DNER: variants seen among roughly 807,000 people sequenced by gnomAD.
DNER encodes the protein delta/notch like EGF repeat containing.
Under a neutral mutation model 78.2 loss-of-function variants are expected in DNER, and 33 were observed. That is an observed-to-expected ratio of 0.42 (90% CI 0.32 to 0.56). The LOEUF is 0.56. DNER is among the 20% of genes least tolerant of loss of function. DNER has a pLI of 0.11. For missense variants in DNER, 918 were observed against 975.3 expected (o/e 0.94, Z 0.78); for synonymous variants, 417 against 384.8 (o/e 1.08, Z -0.98).
At chr2:229,627,078 T>C (rs1698357851) in intron 1 of DNER, among the ~76,000 whole-genome samples, 1 of 152,242 alleles carries the variant, frequency 6.6e-6, no homozygotes, top group Non-Finnish European at 1.5e-5. Context: ...TTTATCAGAA[T>C]GTCTCTTTGT....
intron 4 of DNER, among the ~76,000 whole-genome samples, chr2:229,550,623 A>C (rs1696715657): frequency 1.3e-5 from 2 of 152,004 alleles, no homozygotes; most frequent in Non-Finnish European, 2.9e-5. Context: ...GAAATACAAA[A>C]AAATTAGCCA....
intron 1 of DNER, among the ~76,000 whole-genome samples, chr2:229,613,434 A>T (rs1297952297): frequency 6.6e-6 from 1 of 152,214 alleles, no homozygotes; most frequent in Non-Finnish European, 1.5e-5. Flanking sequence ...TTCATGACAA[A>T]TTTTCATATA....
At chr2:229,700,100 A>G (rs1199443824) in intron 1 of DNER, among the ~76,000 whole-genome samples, 1 of 152,080 alleles carries the variant, frequency 6.6e-6, no homozygotes, top group African/African-American at 2.4e-5. Flanking sequence ...CTCATTCATA[A>G]TTTTTTAAAT....
chr2:229,640,291 C>T (rs1410832691), intron 1 of DNER, among the ~76,000 whole-genome samples: 1 of 152,218 alleles, frequency 6.6e-6, no homozygotes, highest in Non-Finnish European at 1.5e-5. Context: ...TTCAGGATTA[C>T]ATTACAATGC....
At chr2:229,469,100 A>C (rs2154211091) in intron 7 of DNER, among the ~76,000 whole-genome samples, 1 of 152,298 alleles carries the variant, frequency 6.6e-6, no homozygotes, top group Middle Eastern at 3.4e-3. Flanking sequence ...CAGTTTTGAG[A>C]TATTTACTCG....
At chr2:229,391,288 T>A (rs1185876305) in intron 10 of DNER, among the ~76,000 whole-genome samples, 1 of 152,030 alleles carries the variant, frequency 6.6e-6, no homozygotes, top group Non-Finnish European at 1.5e-5. Flanking sequence ...TATTTTATTA[T>A]AAGAGTTCTT....
chr2:229,411,468 G>C (rs1190932170), intron 9 of DNER, among the ~76,000 whole-genome samples: 1 of 152,034 alleles, frequency 6.6e-6, no homozygotes, highest in African/African-American at 2.4e-5. Context: ...GAGACAGGAG[G>C]ATTGCTTGAA....
chr2:229,471,349 T>C (rs1019616021), intron 7 of DNER, among the ~76,000 whole-genome samples: 4 of 24,928 alleles, frequency 1.6e-4, no homozygotes, highest in Admixed American at 1.3e-3. Flanking sequence ...CCCAAGGCTA[T>C]AAAATGAAAA....
chr2:229,673,554 C>A (rs1318987973), intron 1 of DNER, among the ~76,000 whole-genome samples: 1 of 152,204 alleles, frequency 6.6e-6, no homozygotes, highest in African/African-American at 2.4e-5. Flanking sequence ...TGTCAACAGT[C>A]CCCAGATACA....
intron 1 of DNER, among the ~76,000 whole-genome samples, chr2:229,657,629 G>C (rs1427639411): frequency 6.6e-6 from 1 of 152,156 alleles, no homozygotes; most frequent in African/African-American, 2.4e-5. Context: ...TCAAATGTTT[G>C]CTTAGTGCCA....
intron 5 of DNER, among the ~76,000 whole-genome samples, chr2:229,525,897 C>A (rs1005349238): frequency 6.6e-6 from 1 of 152,138 alleles, no homozygotes; most frequent in Non-Finnish European, 1.5e-5. Flanking sequence ...TTATTTCTTA[C>A]TTTATTTGAA....
intron 6 of DNER, among the ~76,000 whole-genome samples, chr2:229,483,906 G>A (rs1177613489): frequency 6.6e-6 from 1 of 152,170 alleles, no homozygotes; most frequent in Non-Finnish European, 1.5e-5. Flanking sequence ...ACCCATGGGA[G>A]TAGGGCTGCA....
chr2:229,545,320 A>ATCCCAACAC (rs1272787443), intron 5 of DNER, among the ~76,000 whole-genome samples: 2 of 152,138 alleles, frequency 1.3e-5, no homozygotes, highest in Non-Finnish European at 2.9e-5. Context: ...CACACCTGTA[A>ATCCCAACAC]TCCCAACACT....
intron 12 of DNER, among the ~76,000 whole-genome samples, chr2:229,359,774 G>A (rs935524192): frequency 3.9e-5 from 6 of 152,078 alleles, no homozygotes; most frequent in African/African-American, 9.7e-5. Context: ...AAAACAGTGC[G>A]TTCTTCATGT....
intron 8 of DNER, among the ~76,000 whole-genome samples, chr2:229,440,365 G>A (rs1330995414): frequency 6.6e-6 from 1 of 152,032 alleles, no homozygotes; most frequent in Non-Finnish European, 1.5e-5. Context: ...AGCTCCTCAC[G>A]CCCTGGGCAG....
intron 1 of DNER, among the ~76,000 whole-genome samples, chr2:229,623,650 C>T (rs888804517): frequency 6.6e-6 from 1 of 152,216 alleles, no homozygotes; most frequent in African/African-American, 2.4e-5. Context: ...ATCGCTACTG[C>T]AGACTACAGA....
intron 8 of DNER, among the ~76,000 whole-genome samples, chr2:229,444,389 T>C (rs16826032): frequency 0.061 from 9,358 of 152,200 alleles, 587 homozygotes; most frequent in African/African-American, 0.16. Flanking sequence ...AAATTTCCTA[T>C]GGTTTTAGTC....
intron 6 of DNER, among the ~76,000 whole-genome samples, chr2:229,495,141 T>G (rs922974387): frequency 1.3e-5 from 2 of 152,344 alleles, no homozygotes; most frequent in Non-Finnish European, 1.5e-5. Context: ...CTTTTGCATT[T>G]TACTTGAGTA....
chr2:229,437,656 C>T (rs762947964), intron 8 of DNER, among the ~76,000 whole-genome samples: 20 of 152,124 alleles, frequency 1.3e-4, no homozygotes, highest in South Asian at 2.1e-4. Flanking sequence ...TTGACATTGA[C>T]GGCAAATCAT....
Sources: gnomAD v4.1 joint callset for allele counts (sites outside exome capture counted in the v4.1 genomes callset) on GRCh38, gnomAD v4.1.1 for gene constraint, MANE v1.5 for transcripts, NCBI Gene and HGNC (gene_info 2026-07-23, HGNC 2026-07-21) for gene names.